The following ICAM5 variants were observed in gnomAD, a reference collection of about 807,000 sequenced individuals.
The protein encoded by ICAM5 is ICAM-5.
Under a neutral mutation model 78.8 loss-of-function variants are expected in ICAM5, and 38 were observed. The observed-to-expected ratio is 0.48, with a 90% CI of 0.37 to 0.63. The LOEUF is 0.63. ICAM5 is among the 30% of genes least tolerant of loss of function. ICAM5 has a pLI of 0.00. For synonymous variants in ICAM5, 544 were observed against 590.9 expected (o/e 0.92, Z 1.15); for missense variants, 1,059 against 1,303.0 (o/e 0.81, Z 2.88).
chr19:10,293,682 A>G lies in ICAM5; in HGVS notation c.1466-16A>G. 6.2e-7 allele frequency: 1 copy of G among 1,609,346 alleles called. No individual in the cohort carries two copies. Among genetic ancestry groups the G allele is most frequent in the East Asian group, 2.2e-5 (1 of 44,712 alleles). On this transcript the variant is annotated splice_polypyrimidine_tract_variant and intron_variant, in intron 6 of 10. Coordinates refer to ENST00000221980, the MANE Select transcript of ICAM5 (RefSeq NM_003259.4). This position sits in a 1 kb window ranked among gnomAD's most constrained non-coding sequence, Gnocchi z 5.0. ...GCCCCCAAACCCCAAAGCCAACAAT[A>G]CACTCCCTCCTCCAGACGCACCAGC... is the stretch of plus-strand genomic sequence containing the variant.
At position 10,296,644 on chromosome 19, in the gene ICAM5, G is replaced by T; in HGVS notation, c.*28G>T. 1.7e-6 allele frequency: 2 copies of T among 1,208,964 alleles called. No individual in the cohort carries two copies. Among genetic ancestry groups the T allele is most frequent in the Non-Finnish European group, 2.1e-6 (2 of 970,508 alleles). The allele number at this position is 1,208,964 out of a possible 1,614,324, so 74.9% of individuals were successfully genotyped here. A position where few individuals can be genotyped will look rare whatever the true frequency, so the allele number is the denominator to read the frequency against. ...CCGCTCCCCTCTCCCCGCGGGCCGG[G>T]GGACGCCCCCCAGACTCACACGGGG... On this transcript the variant is annotated 3_prime_UTR_variant, in exon 11 of 11. Coordinates refer to ENST00000221980, the MANE Select transcript of ICAM5 (RefSeq NM_003259.4).
chr19:10,291,160 C>G lies in ICAM5; in HGVS notation c.171C>G (p.Thr57=). Residue 57 remains threonine (T), a synonymous_variant, in exon 2 of 11, where the codon ACC becomes ACG. Coordinates refer to ENST00000221980, the MANE Select transcript of ICAM5 (RefSeq NM_003259.4). Reference sequence around the variant, plus strand: ...GCTCGCTGTGGCTGAATTGCAGCACCAACTGCCCTCGGCCGGAGCGCGGTG... The same window carrying G: ...GCTCGCTGTGGCTGAATTGCAGCACGAACTGCCCTCGGCCGGAGCGCGGTG... ...RGGSLWLNCS[T]NCPRPERGGL... is the part of the protein sequence containing the mutation. 1.2e-6 allele frequency: 2 copies of G among 1,612,336 alleles called. No homozygotes were observed. The highest frequency in any genetic ancestry group is 3.3e-5 in the Admixed American group (2 of 60,000).
rs1048653576 is a variant in ICAM5, at chr19:10,296,589, C to T, written c.2748C>T (p.Val916=). The T allele has an allele frequency of 8.1e-5, 98 of 1,216,060 alleles. No individual in the cohort carries two copies. The African/African-American group carries it at 1.5e-3, about 19-fold the overall frequency. The allele number at this position is 1,216,060 out of a possible 1,614,324, so 75.3% of individuals were successfully genotyped here. The change falls in exon 11 of 11, where the codon GTC becomes GTT. Residue 916 remains valine, a synonymous_variant. Transcript: ENST00000221980. ...GAAESPAEGE[V]FAIQLTSA ...CCGAGTCGCCGGCGGAGGGCGAGGT[C>T]TTCGCCATACAGCTGACATCGGCGT...
In ICAM5 at chr19:10,291,591, G is replaced by A; in HGVS notation, c.455G>A (p.Ser152Asn). ...CRVPGAGPRASLTLTLLRGAQ... is the reference protein window; with the variant it reads ...CRVPGAGPRANLTLTLLRGAQ... ...GTCCCCGGCGCCGGGCCCCGTGCGA[G>A]CCTCACGCTGACCCTGCTGCGGGGC... Residue 152 changes from serine (S) to asparagine (N), a missense_variant, in exon 3 of 11, where the codon AGC becomes AAC. Physicochemically the swap from Ser to Asn is conservative, Grantham distance 46. Coordinates refer to ENST00000221980, the MANE Select transcript of ICAM5 (RefSeq NM_003259.4). 6.2e-7 allele frequency: 1 copy of A among 1,612,268 alleles called. No individual in the cohort carries two copies. The highest frequency in any genetic ancestry group is 8.5e-7 in the Non-Finnish European group (1 of 1,179,808).
chr19:10,290,067 G>A lies in ICAM5; in HGVS notation c.24G>A (p.Leu8=). 1 of 1,542,906 alleles carries A rather than the reference G, an allele frequency of 6.5e-7. No homozygotes were observed. Among genetic ancestry groups the A allele is most frequent in the Non-Finnish European group, 8.7e-7 (1 of 1,144,958 alleles). MPGPSPG[L]RRALLGLWAA... is the part of the protein sequence containing the mutation. Reference sequence around the variant, plus strand: ...CGATGCCAGGGCCTTCGCCAGGGCTGCGCCGGGCGCTACTCGGCCTCTGGG... The same window carrying A: ...CGATGCCAGGGCCTTCGCCAGGGCTACGCCGGGCGCTACTCGGCCTCTGGG... The change falls in exon 1 of 11, where the codon CTG becomes CTA. Residue 8 remains leucine, a synonymous_variant. Transcript: ENST00000221980. This position sits in a 1 kb window ranked among gnomAD's most constrained non-coding sequence, Gnocchi z 5.7.
rs1296969420 is a variant in ICAM5 at position 10,293,029 on chromosome 19, C to T, written c.1248C>T (p.Pro416=). The change falls in exon 6 of 11, where the codon CCC becomes CCT. Residue 416 remains proline (P), a synonymous_variant. Transcript: ENST00000221980. The surrounding 1 kb of genome is among the most constrained non-coding windows in gnomAD (Gnocchi z 5.0). ...YAPRLDDSDC[P]RSWTWPEGPE... ...CCCGGCTAGACGATTCGGACTGCCC[C>T]AGGAGTTGGACGTGGCCCGAGGGCC... 6.2e-7 allele frequency: 1 copy of T among 1,610,910 alleles called. No individual in the cohort carries two copies. Among genetic ancestry groups the T allele is most frequent in the Non-Finnish European group, 8.5e-7 (1 of 1,179,978 alleles).
chr19:10,296,368 G>A lies in ICAM5; in HGVS notation c.2527G>A (p.Ala843Thr). 8.0e-7 allele frequency: 1 copy of A among 1,253,600 alleles called. No homozygotes were observed. The highest frequency in any genetic ancestry group is 1.0e-6 in the Non-Finnish European group (1 of 991,598). 77.7% of individuals were successfully genotyped at this position (1,253,600 alleles called of 1,614,324 possible). A position where few individuals can be genotyped will look rare whatever the true frequency, so the allele number is the denominator to read the frequency against. ...GPWLWVAVGG[A>T]AGGAALLAAG... ...GTGGCTATGGGTCGCCGTGGGCGGC[G>A]CGGCGGGGGGCGCGGCGCTGCTGGC... Residue 843 changes from alanine (A) to threonine (T), a missense_variant, in exon 11 of 11, where the codon GCG becomes ACG. Transcript: ENST00000221980.
At position 10,293,163 on chromosome 19, in the gene ICAM5, C is replaced by A; in HGVS notation, c.1382C>A (p.Thr461Asn). The change falls in exon 6 of 11, where the codon ACT becomes AAT. Residue 461 changes from threonine to asparagine, a missense_variant. By Grantham distance (65) the Thr-to-Asn change is moderately conservative. Coordinates refer to ENST00000221980, the MANE Select transcript of ICAM5 (RefSeq NM_003259.4). This position sits in a 1 kb window ranked among gnomAD's most constrained non-coding sequence, Gnocchi z 5.0. ...GCTCTGGGCCTGCTGGGTCCAGTCA[C>A]TCGGGCGCTCTCAGGCACTTACCGC... ...VLALGLLGPV[T>N]RALSGTYRCK... 1 of 1,611,442 alleles carries A rather than the reference C, an allele frequency of 6.2e-7. No individual in the cohort carries two copies. Among genetic ancestry groups the A allele is most frequent in the East Asian group, 2.2e-5 (1 of 44,852 alleles).
rs763815969 is a variant in ICAM5 at position 10,293,276 on chromosome 19, A to G, written c.1465+30A>G. The G allele has an allele frequency of 3.9e-6, 6 of 1,545,546 alleles. No individual in the cohort carries two copies. The African/African-American group carries it at 4.1e-5, about 11-fold the overall frequency. ...GTGGGGGTGCGCAGGGTGCATTTCT[A>G]TCTGGTTCAAGGTCTGGAGGGTGGC... On this transcript the variant is annotated intron_variant, in intron 6 of 10. Transcript: ENST00000221980. This position sits in a 1 kb window ranked among gnomAD's most constrained non-coding sequence, Gnocchi z 5.0.
Position 10,291,648 on chromosome 19 carries a change from G to A in ICAM5, c.512G>A (p.Gly171Asp), listed in dbSNP as rs1178831462. 6.2e-7 allele frequency: 1 copy of A among 1,611,820 alleles called. No homozygotes were observed. The highest frequency in any genetic ancestry group is 8.5e-7 in the Non-Finnish European group (1 of 1,179,482). ...GAGCTGATCCGCCGCAGCTTCGCCG[G>A]TGAACCACCCCGAGCGCGGGGCGCG... ...AQELIRRSFAGEPPRARGAVL... is the reference protein window; with the variant it reads ...AQELIRRSFADEPPRARGAVL... The change falls in exon 3 of 11, where the codon GGT becomes GAT. Residue 171 changes from glycine (G) to aspartate (D), a missense_variant. Physicochemically the swap from Gly to Asp is moderately conservative, Grantham distance 94. Around this residue, in one of 3 missense-constraint regions of ICAM5, gnomAD observed 815 missense variants for 952.8 expected, o/e 0.86. Transcript: ENST00000221980.
chr19:10,292,683 G>A lies in ICAM5; in HGVS notation c.1033G>A (p.Ala345Thr), dbSNP rs145824055. ...SEGQMVTVTC[A>T]AGAQALVTLE... Reference sequence around the variant, plus strand: ...GGGGCAGATGGTGACAGTAACCTGCGCAGCTGGGGCCCAAGCTCTGGTCAC... The same window carrying A: ...GGGGCAGATGGTGACAGTAACCTGCACAGCTGGGGCCCAAGCTCTGGTCAC... Residue 345 changes from alanine to threonine, a missense_variant, in exon 5 of 11, where the codon GCA becomes ACA. Around this residue, in one of 3 missense-constraint regions of ICAM5, gnomAD observed 815 missense variants for 952.8 expected, o/e 0.86. Coordinates refer to ENST00000221980, the MANE Select transcript of ICAM5 (RefSeq NM_003259.4). 693 of 1,610,638 alleles carry A rather than the reference G, an allele frequency of 4.3e-4. 7 individuals are homozygous for A. The African/African-American group carries it at 8.4e-3, about 19-fold the overall frequency.
chr19:10,292,022 C>A lies in ICAM5; in HGVS notation c.674-13C>A. 1.2e-6 allele frequency: 2 copies of A among 1,608,366 alleles called. No individual in the cohort carries two copies. The highest frequency in any genetic ancestry group is 2.7e-5 in the African/African-American group (2 of 74,954). On this transcript the variant is annotated splice_polypyrimidine_tract_variant and intron_variant, in intron 3 of 10. Coordinates refer to ENST00000221980, the MANE Select transcript of ICAM5 (RefSeq NM_003259.4). ...GCTCGGAGTTAGTTCAAACTTGGTT[C>A]TTCGACCCCTAGCCCTGTCTCCGGA... is the stretch of plus-strand genomic sequence containing the variant.
At position 10,292,637 on chromosome 19, in the gene ICAM5, G is replaced by C. The variant is rs139993605; in HGVS notation, c.987G>C (p.Leu329=). Residue 329 remains leucine (L), a synonymous_variant, in exon 5 of 11, where the codon CTG becomes CTC. Coordinates refer to ENST00000221980, the MANE Select transcript of ICAM5 (RefSeq NM_003259.4). ...GCTTCCCGGCACCACTCCTGACCCT[G>C]AGCGAACCCAGCGTCTCCGAGGGGC... ...IYSFPAPLLT[L]SEPSVSEGQM... 1.3e-5 allele frequency: 20 copies of C among 1,592,112 alleles called. No individual in the cohort carries two copies. The African/African-American group carries it at 2.6e-4, about 20-fold the overall frequency.
At position 10,290,135 on chromosome 19, in the gene ICAM5, C is replaced by A; in HGVS notation, c.82+10C>A. On this transcript the variant is annotated intron_variant, in intron 1 of 10. Transcript: ENST00000221980. This position sits in a 1 kb window ranked among gnomAD's most constrained non-coding sequence, Gnocchi z 5.7. ...CTCTTCGGCCTCTCAGGTAAGAGCC[C>A]CGCTCTGGTTCGGGGTGGACAGGGC... The A allele has an allele frequency of 2.6e-6, 4 of 1,510,250 alleles. No individual in the cohort carries two copies. Among genetic ancestry groups the A allele is most frequent in the Non-Finnish European group, 3.6e-6 (4 of 1,126,608 alleles). 93.6% of individuals were successfully genotyped at this position (1,510,250 alleles called of 1,614,324 possible).
intron 4 of ICAM5, 87 bp from the exon 5 acceptor site, chr19:10,292,525 C>A: frequency 6.7e-7 from 1 of 1,487,920 alleles, no homozygotes; most frequent in Non-Finnish European, 9.0e-7. Context: ...GTTCTCAGCA[C>A]CCCGAGGATT....
At position 10,291,351 on chromosome 19, in the gene ICAM5, G is replaced by A; in HGVS notation, c.352+10G>A. 6.2e-7 allele frequency: 1 copy of A among 1,606,350 alleles called. No individual in the cohort carries two copies. Among genetic ancestry groups the A allele is most frequent in the Non-Finnish European group, 8.5e-7 (1 of 1,175,056 alleles). On this transcript the variant is annotated intron_variant, in intron 2 of 10. Coordinates refer to ENST00000221980, the MANE Select transcript of ICAM5 (RefSeq NM_003259.4). Reference sequence around the variant, plus strand: ...CTCATTCGCACTTTCCGTGAGTTCTGGGTGGCCACGCGCGTACTCCACTAC... The same window carrying A: ...CTCATTCGCACTTTCCGTGAGTTCTAGGTGGCCACGCGCGTACTCCACTAC...
chr19:10,292,309 C>T lies in ICAM5; in HGVS notation c.948C>T (p.Asn316=). ...LGGENRETRE[N]VTIYSFPAPL... is the part of the protein sequence containing the mutation. The stretch of plus-strand genomic sequence containing the variant: ...GCGAAAACCGGGAGACCCGGGAGAA[C>T]GTGACCATCTACAGTAAGGAAGGAG... The change falls in exon 4 of 11, where the codon AAC becomes AAT. Residue 316 remains asparagine, a synonymous_variant. Transcript: ENST00000221980. 1.2e-6 allele frequency: 2 copies of T among 1,604,294 alleles called. No homozygotes were observed. The highest frequency in any genetic ancestry group is 1.1e-5 in the South Asian group (1 of 90,424).
Position 10,290,708 on chromosome 19 carries a change from C to T in ICAM5, c.83-364C>T, listed in dbSNP as rs773336558. 33 of 349,926 alleles carry T rather than the reference C, an allele frequency of 9.4e-5. No individual in the cohort carries two copies. Among genetic ancestry groups the T allele is most frequent in the Non-Finnish European group, 1.5e-4 (28 of 191,364 alleles). 21.7% of individuals were successfully genotyped at this position (349,926 alleles called of 1,614,324 possible). A position where few individuals can be genotyped will look rare whatever the true frequency, so the allele number is the denominator to read the frequency against. On this transcript the variant is annotated intron_variant, in intron 1 of 10. Transcript: ENST00000221980. The surrounding 1 kb of genome is among the most constrained non-coding windows in gnomAD (Gnocchi z 5.7). Reference sequence around the variant, plus strand: ...CTCGTATCCCGGCATTCTGCCAGGACCCTGAGAACTGGTTCATCCCCCATC... The same window carrying T: ...CTCGTATCCCGGCATTCTGCCAGGATCCTGAGAACTGGTTCATCCCCCATC...
In ICAM5 at chr19:10,295,385, G is replaced by A; in HGVS notation, c.2270G>A (p.Gly757Glu). 1.9e-6 allele frequency: 3 copies of A among 1,595,244 alleles called. No homozygotes were observed. The highest frequency in any genetic ancestry group is 1.7e-6 in the Non-Finnish European group (2 of 1,173,220). ...VVAELAASPP[G>E]GVRPGGNFTL... ...GCCGAACTTGCTGCCTCGCCCCCTG[G>A]AGGCGTGCGCCCAGGAGGAAACTTC... is the stretch of plus-strand genomic sequence containing the variant. The change falls in exon 10 of 11, where the codon GGA (glycine) becomes GAA (glutamate). Residue 757 changes from glycine (G) to glutamate (E), a missense_variant. Gly to Glu is a moderately conservative substitution (Grantham distance 98, BLOSUM62 -2). Around this residue, in one of 3 missense-constraint regions of ICAM5, gnomAD observed 135 missense variants for 230.2 expected, o/e 0.59. Transcript: ENST00000221980.
Sources: allele counts gnomAD v4.1 joint callset, GRCh38; gene constraint gnomAD v4.1.1; regional missense constraint gnomAD v4.1.1; non-coding constraint Gnocchi (gnomAD v3.1); transcripts MANE v1.5; gene names NCBI Gene and HGNC (gene_info 2026-07-23, HGNC 2026-07-21).